The following MVK variants were observed in gnomAD, a reference collection of about 807,000 sequenced individuals.
MVK encodes the protein mevalonate kinase, also known as LH receptor mRNA-binding protein.
In MVK, 34 loss-of-function variants were observed where a neutral mutation model predicts 43.2. That is an observed-to-expected ratio of 0.79 (90% CI 0.60 to 1.05). The LOEUF is 1.05. MVK is among the 50% of genes least tolerant of loss of function. MVK has a pLI of 0.00. For synonymous variants in MVK, 190 were observed against 219.8 expected, an observed-to-expected ratio of 0.86 and a Z score of 1.20; for missense variants, 395 against 504.0, an observed-to-expected ratio of 0.78 and a Z score of 2.07.
At chr12:109,593,998 G>C (rs947952079) in intron 9 of MVK, among the ~76,000 whole-genome samples, 16 of 151,820 alleles carry the variant, frequency 1.1e-4, no homozygotes, top group Non-Finnish European at 1.8e-4. Context: ...GATTAAAGAC[G>C]TGAGCCACCA....
chr12:109,593,738 T>TTTG (rs1885788896), intron 9 of MVK, among the ~76,000 whole-genome samples: 1 of 148,124 alleles, frequency 6.8e-6, no homozygotes. Context: ...TTTTTTTTTT[T>TTTG]GAGACAGAGT....
At chr12:109,590,439 T>C in intron 7 of MVK, 1 of 396,462 alleles carries the variant, frequency 2.5e-6, no homozygotes, top group Non-Finnish European at 4.8e-6. Context: ...GTCCACGTCA[T>C]GCCAGAAAAA....
intron 9 of MVK, among the ~76,000 whole-genome samples, chr12:109,593,132 C>T (rs1231029873): frequency 6.6e-6 from 1 of 152,244 alleles, no homozygotes; most frequent in African/African-American, 2.4e-5. Flanking sequence ...TGACAGGTGT[C>T]TGGAACCTGC....
At chr12:109,577,952 C>T (rs1885036388) in intron 3 of MVK, among the ~76,000 whole-genome samples, 1 of 152,174 alleles carries the variant, frequency 6.6e-6, no homozygotes, top group African/African-American at 2.4e-5. Context: ...TTGTGTATGT[C>T]AGTAGCTTGG....
In MVK at chr12:109,574,815, C is replaced by T; in HGVS notation, c.-8C>T. 6.3e-7 allele frequency: 1 copy of T among 1,595,064 alleles called. No homozygotes were observed. Among genetic ancestry groups the T allele is most frequent in the Non-Finnish European group, 8.5e-7 (1 of 1,169,790 alleles). On this transcript the variant is annotated 5_prime_UTR_variant, in exon 2 of 11. Coordinates refer to ENST00000228510, the MANE Select transcript of MVK (RefSeq NM_000431.4). ...CATTGGCTTTCCCTTTTAGGATTCCCAGGAGCCATGTTGTCAGAAGTCCTA... is the reference window on the plus strand; with the variant it reads ...CATTGGCTTTCCCTTTTAGGATTCCTAGGAGCCATGTTGTCAGAAGTCCTA...
intron 9 of MVK, among the ~76,000 whole-genome samples, chr12:109,594,722 T>C (rs1321019205): frequency 6.6e-6 from 1 of 152,212 alleles, no homozygotes; most frequent in African/African-American, 2.4e-5. Flanking sequence ...AGGGCTGTGA[T>C]TGGCCCAGCT....
intron 3 of MVK, chr12:109,579,321 G>A (rs551495992): frequency 1.6e-5 from 6 of 366,184 alleles, no homozygotes; most frequent in African/African-American, 4.2e-5. Flanking sequence ...TGTACTTTCT[G>A]TAGAGTTGGG....
At chr12:109,579,341 T>C in intron 3 of MVK, 2 of 359,948 alleles carry the variant, frequency 5.6e-6, no homozygotes, top group South Asian at 2.1e-5. Context: ...GGTTTCGCCA[T>C]GTTACCTAGG....
At chr12:109,591,122 C>G in intron 8 of MVK, 119 bp from the exon 9 acceptor site, 1 of 1,067,650 alleles carries the variant, frequency 9.4e-7, no homozygotes, top group Admixed American at 1.7e-5. Context: ...GAGGTGGTTT[C>G]CCCAGAGGAT....
chr12:109,580,006 GT>G (rs772214202), intron 4 of MVK, 60 bp downstream of exon 4: 65 of 1,609,066 alleles, frequency 4.0e-5, no homozygotes, highest in Admixed American at 1.0e-4. Flanking sequence ...AAAAGGAAGA[GT>G]TTCTGTCATT....
intron 5 of MVK, among the ~76,000 whole-genome samples, chr12:109,583,490 G>T (rs1259543534): frequency 6.6e-6 from 1 of 152,164 alleles, no homozygotes; most frequent in African/African-American, 2.4e-5. Flanking sequence ...TCTTAATCCA[G>T]TCTATCATTG....
rs377329101 is a variant in MVK at position 109,579,762 on chromosome 12, C to G, written c.227-40C>G. 7.6e-5 allele frequency: 122 copies of G among 1,613,812 alleles called. No homozygotes were observed. The Middle Eastern group carries it at 9.9e-4, about 13-fold the overall frequency. On this transcript the variant is annotated intron_variant, in intron 3 of 10. Coordinates refer to ENST00000228510, the MANE Select transcript of MVK (RefSeq NM_000431.4). ...TGTTGTTTATAAAGCACCAAAGTCC[C>G]TCTCACCCACTTGTGTTTGCTTGTT...
chr12:109,595,024 CT>C lies in MVK; in HGVS notation c.886-3del. 3.7e-6 allele frequency: 6 copies of C among 1,614,170 alleles called. No homozygotes were observed. Among genetic ancestry groups the C allele is most frequent in the Non-Finnish European group, 5.1e-6 (6 of 1,180,034 alleles). On this transcript the variant is annotated splice_polypyrimidine_tract_variant and splice_region_variant and intron_variant, in intron 9 of 10. Coordinates refer to ENST00000228510, the MANE Select transcript of MVK (RefSeq NM_000431.4). This position sits in a 1 kb window ranked among gnomAD's most constrained non-coding sequence, Gnocchi z 5.9. ...GTGGGAACAGATGGAACCTTCTCCC[CT>C]AGGAGCTCATTGACATGAACCAGCA...
upstream of MVK, chr12:109,573,499 G>T: frequency 3.8e-6 from 6 of 1,591,116 alleles, no homozygotes; most frequent in Non-Finnish European, 4.3e-6. Context: ...CTGCTTGACG[G>T]GACCTGACCC....
intron 9 of MVK, among the ~76,000 whole-genome samples, chr12:109,592,089 CAA>C (rs1157276409): frequency 2.0e-5 from 3 of 152,158 alleles, no homozygotes; most frequent in Non-Finnish European, 4.4e-5. Context: ...ACAAAAAATA[CAA>C]AAGTTAGCCA....
Position 109,591,256 on chromosome 12 carries a change from G to GC in MVK, c.790dup (p.Leu264ProfsTer13), listed in dbSNP as rs1885664895. 2.5e-6 allele frequency: 4 copies of GC among 1,614,134 alleles called. No individual in the cohort carries two copies. The highest frequency in any genetic ancestry group is 3.4e-6 in the Non-Finnish European group (4 of 1,180,030). On this transcript the variant is annotated frameshift_variant, in exon 9 of 11. Transcript: ENST00000228510. LOFTEE classifies it high-confidence loss of function. ...TTTTCTCCAGTTCCCAGAGATCGTG[G>GC]CCCCCCTCCTGACCTCAATAGATGC...
intron 3 of MVK, among the ~76,000 whole-genome samples, chr12:109,578,387 G>A (rs1334267837): frequency 4.0e-5 from 6 of 151,850 alleles, no homozygotes; most frequent in African/African-American, 1.5e-4. Flanking sequence ...ACATACCACT[G>A]CACCGTGCTA....
rs104895350 is a variant in MVK, at chr12:109,595,128, G to A, written c.986G>A (p.Ser329Asn). The change falls in exon 10 of 11, where the codon AGC (serine) becomes AAC (asparagine). Residue 329 changes from serine (S) to asparagine (N), a missense_variant. Coordinates refer to ENST00000228510, the MANE Select transcript of MVK (RefSeq NM_000431.4). This position sits in a 1 kb window ranked among gnomAD's most constrained non-coding sequence, Gnocchi z 5.9. ...GTGACCAGGGCCCGCGGACTTCACA[G>A]CAAGCTGACTGGCGCAGGCGGTGGT... is the stretch of plus-strand genomic sequence containing the variant. ...CQVTRARGLH[S>N]KLTGAGGGGC... The A allele has an allele frequency of 6.2e-7, 1 of 1,614,184 alleles. No homozygotes were observed. Among genetic ancestry groups the A allele is most frequent in the Admixed American group, 1.7e-5 (1 of 60,026 alleles).
chr12:109,593,066 T>A (rs1173021524), intron 9 of MVK, among the ~76,000 whole-genome samples: 1 of 152,252 alleles, frequency 6.6e-6, no homozygotes, highest in East Asian at 1.9e-4. Context: ...ACCAGCGAAC[T>A]GTTCTCCTGT....
Sources: allele counts gnomAD v4.1 joint callset (sites outside exome capture counted in the v4.1 genomes callset), GRCh38; gene constraint gnomAD v4.1.1; non-coding constraint Gnocchi (gnomAD v3.1); transcripts MANE v1.5; gene names NCBI Gene and HGNC (gene_info 2026-07-23, HGNC 2026-07-21).